The following ZC3HAV1 variants were observed in gnomAD, a reference collection of about 807,000 sequenced individuals.
ZC3HAV1 encodes zinc finger CCCH-type antiviral protein 1.
ZC3HAV1 carries 41 observed loss-of-function variants against 86.6 expected under a neutral mutation model. The observed-to-expected ratio is 0.47, with a 90% confidence interval of 0.37 to 0.61. The LOEUF (loss-of-function observed/expected upper bound fraction) is 0.61, where lower values mean the gene tolerates loss of function less well. Among genes scored for constraint, ZC3HAV1 ranks in the 20% least tolerant of loss-of-function variants. The pLI is 0.00. For synonymous variants in ZC3HAV1, 421 were observed against 432.1 expected (o/e 0.97, Z 0.32); for missense variants, 964 against 1,141.1 (o/e 0.84, Z 2.24).
intron 9 of ZC3HAV1, among the ~76,000 whole-genome samples, chr7:139,059,149 C>G (rs1563125551): frequency 1.3e-5 from 2 of 152,132 alleles, no homozygotes; most frequent in Non-Finnish European, 2.9e-5. Context: ...TGAATGTGAA[C>G]AGCCCCTCCC....
Position 139,083,949 on chromosome 7 carries a change from G to C in ZC3HAV1, c.528C>G (p.His176Gln), listed in dbSNP as rs913776135. 1 of 1,613,986 alleles carries C rather than the reference G, an allele frequency of 6.2e-7. No individual in the cohort carries two copies. Among genetic ancestry groups the C allele is most frequent in the Non-Finnish European group, 8.5e-7 (1 of 1,180,030 alleles). Reference sequence around the variant, plus strand: ...GAAAACGACAGTTCCCTCGGGTGAAGTGGTCACAGATGTGGAGTCTTGAAC... The same window carrying C: ...GAAAACGACAGTTCCCTCGGGTGAACTGGTCACAGATGTGGAGTCTTGAAC... ...PPCSRLHICD[H>Q]FTRGNCRFPN... Residue 176 changes from histidine to glutamine, a missense_variant, in exon 3 of 13, where the codon CAC becomes CAG. Physicochemically the swap from His to Gln is conservative, Grantham distance 24. Transcript: ENST00000242351.
At position 139,045,442 on chromosome 7, in the gene ZC3HAV1, A is replaced by T. The variant is rs1372895097; in HGVS notation, c.*2152T>A. On this transcript the variant is annotated 3_prime_UTR_variant, in exon 13 of 13. Coordinates refer to ENST00000242351, the MANE Select transcript of ZC3HAV1 (RefSeq NM_020119.4). ...GAATGTGCATTACTAAGTAAATTTT[A>T]AAAAATATAACCTTCTTGCTCTGAA... 2.0e-5 allele frequency: 3 copies of T among 152,216 alleles called. No individual in the cohort carries two copies. The highest frequency in any genetic ancestry group is 4.4e-5 in the Non-Finnish European group (3 of 68,046). 9.4% of individuals were successfully genotyped at this position (152,216 alleles called of 1,614,324 possible).
chr7:139,094,919 G>A (rs1291735663), intron 1 of ZC3HAV1, among the ~76,000 whole-genome samples: 3 of 151,958 alleles, frequency 2.0e-5, no homozygotes, highest in African/African-American at 7.2e-5. Context: ...TTCACAAATC[G>A]GTAAACACAG....
In ZC3HAV1 at chr7:139,083,815, C is replaced by T. The variant is rs1817199031; in HGVS notation, c.662G>A (p.Ser221Asn). 1 of 1,613,330 alleles carries T rather than the reference C, an allele frequency of 6.2e-7. No homozygotes were observed. The change falls in exon 3 of 13, where the codon AGC (serine) becomes AAC (asparagine). Residue 221 changes from serine (S) to asparagine (N), a missense_variant. Coordinates refer to ENST00000242351, the MANE Select transcript of ZC3HAV1 (RefSeq NM_020119.4). ...TGGGGGATTCTTCTGCATGTGCTTG[C>T]TGTTGCAGATGTCCTGGATGTTCTG... ...VVQNIQDICN[S>N]KHMQKNPPGP... is the part of the protein sequence containing the mutation.
rs75850913 is a variant in ZC3HAV1, at chr7:139,108,270, C to T, written c.308+754G>A. Among the ~76,000 whole-genome samples, 3,006 of 146,676 alleles carry T rather than the reference C, an allele frequency of 0.02. 100 individuals are homozygous for T. Among genetic ancestry groups the T allele is most frequent in the African/African-American group, 0.072 (2,845 of 39,790 alleles). ...ACCTTGCAGCGCATCTGCATTTAGACGAAAAAAAAAAAAGGCAAACGGAAA... is the reference window on the plus strand; with the variant it reads ...ACCTTGCAGCGCATCTGCATTTAGATGAAAAAAAAAAAAGGCAAACGGAAA... On this transcript the variant is annotated intron_variant, in intron 1 of 12. Transcript: ENST00000242351. This position sits in a 1 kb window ranked among gnomAD's most constrained non-coding sequence, Gnocchi z 4.2.
chr7:139,051,810 C>G (rs1816131687), intron 12 of ZC3HAV1, among the ~76,000 whole-genome samples: 1 of 152,180 alleles, frequency 6.6e-6, no homozygotes, highest in Non-Finnish European at 1.5e-5. Context: ...TACCCACCAT[C>G]TAGTGTACAG....
Position 139,064,943 on chromosome 7 carries a change from T to C in ZC3HAV1, c.1929A>G (p.Gln643=). ...VDSSYLESLY[Q]SCPRGVVPFQ... Reference sequence around the variant, plus strand: ...ATGGCACAACTCCCCTCGGACAGGATTGATAGAGAGACTCCAGGTATGAAG... The same window carrying C: ...ATGGCACAACTCCCCTCGGACAGGACTGATAGAGAGACTCCAGGTATGAAG... The change falls in exon 8 of 13, where the codon CAA becomes CAG. Residue 643 remains glutamine (Q), a synonymous_variant. Transcript: ENST00000242351. The C allele has an allele frequency of 6.2e-7, 1 of 1,614,208 alleles. No homozygotes were observed. Among genetic ancestry groups the C allele is most frequent in the Non-Finnish European group, 8.5e-7 (1 of 1,180,040 alleles).
chr7:139,081,342 A>T (rs1174341849), intron 3 of ZC3HAV1, among the ~76,000 whole-genome samples: 1 of 152,104 alleles, frequency 6.6e-6, no homozygotes, highest in African/African-American at 2.4e-5. Flanking sequence ...TTCCAAACCC[A>T]GGGGGCAGTA....
rs78453188 is a variant in ZC3HAV1 at position 139,057,683 on chromosome 7, C to T, written c.2097-2388G>A. ...CCTCCCGAGTAGCTGGGACTACAGG[C>T]GCCCGCCACCACGCCCGGCTAATTT... On this transcript the variant is annotated intron_variant, in intron 9 of 12. Transcript: ENST00000242351. Among the ~76,000 whole-genome samples the T allele has an allele frequency of 3.8e-5, 3 of 78,764 alleles. 1 individual carries two copies. The highest frequency in any genetic ancestry group is 1.2e-4 in the Admixed American group (1 of 8,124). The allele number at this position is 78,764 out of a possible 152,430, so 51.7% of individuals were successfully genotyped here.
At chr7:139,103,972 T>C (rs1359207409) in intron 1 of ZC3HAV1, among the ~76,000 whole-genome samples, 2 of 152,182 alleles carry the variant, frequency 1.3e-5, no homozygotes, top group South Asian at 2.1e-4. Flanking sequence ...AAAATCATGA[T>C]TGAAGCTGCT....
chr7:139,099,822 G>C lies in ZC3HAV1; in HGVS notation c.308+9202C>G, dbSNP rs189641614. On this transcript the variant is annotated intron_variant, in intron 1 of 12. Transcript: ENST00000242351. ...CGTGCCTGTAATCCCAGCTACTTGG[G>C]AGGCTGAGGCAAGAGAATCGCTTGA... Among the ~76,000 whole-genome samples the C allele has an allele frequency of 5.8e-4, 88 of 152,214 alleles. 1 individual carries two copies. The highest frequency in any genetic ancestry group is 2.0e-3 in the African/African-American group (85 of 41,532).
Position 139,109,119 on chromosome 7 carries a change from C to T in ZC3HAV1, c.213G>A (p.Arg71=). The change falls in exon 1 of 13, where the codon CGG becomes CGA. Residue 71 remains arginine, a synonymous_variant. Transcript: ENST00000242351. The part of the protein sequence containing the change: ...TRSVVATTRA[R]VCRRKYCQRP... ...TCTGGCAGTACTTGCGACGGCAGAC[C>T]CGGGCTCGAGTGGTGGCCACCACCG... 6.3e-7 allele frequency: 1 copy of T among 1,592,238 alleles called. No homozygotes were observed. The highest frequency in any genetic ancestry group is 8.6e-7 in the Non-Finnish European group (1 of 1,169,224).
intron 1 of ZC3HAV1, among the ~76,000 whole-genome samples, chr7:139,104,290 C>T (rs751125845): frequency 6.6e-6 from 1 of 151,498 alleles, no homozygotes; most frequent in South Asian, 2.1e-4. Flanking sequence ...ACACCCACAT[C>T]GGCAAAAACC....
At position 139,084,062 on chromosome 7, in the gene ZC3HAV1, C is replaced by G. The variant is rs752502564; in HGVS notation, c.445-30G>C. ...AGAAGGGAGAAACAACAGCCAGAGT[C>G]AAAACACCTTCTTGTATTTGCCAAA... On this transcript the variant is annotated intron_variant, in intron 2 of 12. Coordinates refer to ENST00000242351, the MANE Select transcript of ZC3HAV1 (RefSeq NM_020119.4). 1.9e-6 allele frequency: 3 copies of G among 1,601,022 alleles called. No homozygotes were observed. The African/African-American group carries it at 4.0e-5, about 21-fold the overall frequency.
chr7:139,053,886 G>C, intron 11 of ZC3HAV1, 79 bp downstream of exon 11: 1 of 1,488,548 alleles, frequency 6.7e-7, no homozygotes, highest in East Asian at 2.5e-5. Flanking sequence ...ATAAATCAGT[G>C]AATATAAATC....
chr7:139,088,819 C>T (rs1038781669), intron 2 of ZC3HAV1, among the ~76,000 whole-genome samples: 1 of 152,084 alleles, frequency 6.6e-6, no homozygotes, highest in Non-Finnish European at 1.5e-5. Context: ...TTTATAAAAA[C>T]AGGCCGGGTA....
Position 139,108,931 on chromosome 7 carries a change from G to A in ZC3HAV1, c.308+93C>T. ...CGGAGGCTGTCAGGTGCGGGGTCCC[G>A]GCGAAGCCGTGCCCCTCCCAGAACA... On this transcript the variant is annotated intron_variant, in intron 1 of 12. Transcript: ENST00000242351. The surrounding 1 kb of genome is among the most constrained non-coding windows in gnomAD (Gnocchi z 4.2). The A allele has an allele frequency of 7.0e-7, 1 of 1,428,276 alleles. No individual in the cohort carries two copies. Among genetic ancestry groups the A allele is most frequent in the Non-Finnish European group, 9.3e-7 (1 of 1,077,710 alleles). The allele number at this position is 1,428,276 out of a possible 1,614,324, so 88.5% of individuals were successfully genotyped here. A position where few individuals can be genotyped will look rare whatever the true frequency, so the allele number is the denominator to read the frequency against.
At position 139,064,990 on chromosome 7, in the gene ZC3HAV1, G is replaced by A. The variant is rs141827161; in HGVS notation, c.1882C>T (p.Arg628Trp). The change falls in exon 8 of 13, where the codon CGG becomes TGG. Residue 628 changes from arginine to tryptophan, a missense_variant. Physicochemically the swap from Arg to Trp is moderately radical, Grantham distance 101. Transcript: ENST00000242351. ...WIQYGEEKDK[R>W]KNSNVDSSYL... is the part of the protein sequence containing the mutation. ...GAAGAGTCGACGTTTGAATTTTTCC[G>A]TTTGTCTTTCTAATTGGAAAAAAAA... is the stretch of plus-strand genomic sequence containing the variant. 838 of 1,613,954 alleles carry A rather than the reference G, an allele frequency of 5.2e-4. No individual in the cohort carries two copies. Among genetic ancestry groups the A allele is most frequent in the Non-Finnish European group, 6.8e-4 (804 of 1,179,952 alleles).
intron 12 of ZC3HAV1, among the ~76,000 whole-genome samples, chr7:139,051,575 T>TA (rs984036249): frequency 7.9e-5 from 12 of 151,868 alleles, no homozygotes; most frequent in Non-Finnish European, 1.3e-4. Context: ...CCCAGGTAAT[T>TA]AAAAAAATTT....
Sources: gnomAD v4.1 joint callset for allele counts (sites outside exome capture counted in the v4.1 genomes callset) on GRCh38, gnomAD v4.1.1 for gene constraint, Gnocchi (gnomAD v3.1) non-coding constraint, MANE v1.5 for transcripts, NCBI Gene and HGNC (gene_info 2026-07-23, HGNC 2026-07-21) for gene names.